The following QTMAN variants were observed in gnomAD, a reference collection of about 807,000 sequenced individuals.
QTMAN encodes the protein queuosine-tRNA mannosyltransferase.
chr2:144,105,658 G>A, the QTMAN span, among the ~76,000 whole-genome samples: 2 of 152,160 alleles, frequency 1.3e-5, no homozygotes, highest in Non-Finnish European at 1.5e-5. Context: ...AGGGAGAATG[G>A]AACCAAGTTG....
At chr2:143,982,874 A>G in the QTMAN span, among the ~76,000 whole-genome samples, 10 of 149,532 alleles carry the variant, frequency 6.7e-5, no homozygotes, top group African/African-American at 2.2e-4. Flanking sequence ...AAAAAAAAAA[A>G]GAATAGATAA....
At chr2:144,296,504 A>AAATT in the QTMAN span, among the ~76,000 whole-genome samples, 1 of 152,242 alleles carries the variant, frequency 6.6e-6, no homozygotes, top group Non-Finnish European at 1.5e-5. Flanking sequence ...TGACTGAAAA[A>AAATT]AATATTAAAG....
the QTMAN span, among the ~76,000 whole-genome samples, chr2:144,003,314 G>A: frequency 6.6e-6 from 1 of 151,452 alleles, no homozygotes; most frequent in African/African-American, 2.4e-5. Flanking sequence ...CCTTCCAGCA[G>A]TGTGTCTTTT....
chr2:144,266,674 G>C, the QTMAN span, among the ~76,000 whole-genome samples: 6 of 152,266 alleles, frequency 3.9e-5, no homozygotes, highest in African/African-American at 1.4e-4. Context: ...TTTGGGCACA[G>C]GTATAATCTT....
the QTMAN span, among the ~76,000 whole-genome samples, chr2:144,157,452 C>A: frequency 6.6e-6 from 1 of 151,990 alleles, no homozygotes; most frequent in African/African-American, 2.4e-5. Flanking sequence ...GCTGTCCCTT[C>A]TTCCTTTTTC....
At chr2:144,237,882 G>A in the QTMAN span, among the ~76,000 whole-genome samples, 6 of 152,304 alleles carry the variant, frequency 3.9e-5, no homozygotes, top group Non-Finnish European at 7.4e-5. Flanking sequence ...CAGCTGCCAC[G>A]TTGTGAGGAC....
the QTMAN span, among the ~76,000 whole-genome samples, chr2:144,133,076 C>A: frequency 8.9e-6 from 1 of 112,240 alleles, no homozygotes; most frequent in African/African-American, 3.4e-5. Flanking sequence ...TACTGATTTA[C>A]ATCTTTTAAT....
the QTMAN span, among the ~76,000 whole-genome samples, chr2:144,090,301 G>C: frequency 2.6e-5 from 4 of 151,880 alleles, no homozygotes; most frequent in African/African-American, 7.3e-5. Flanking sequence ...TCTAAAATCA[G>C]GAAAAGGCAA....
chr2:144,238,902 T>A, the QTMAN span, among the ~76,000 whole-genome samples: 92 of 152,124 alleles, frequency 6.0e-4, no homozygotes, highest in East Asian at 0.018. Context: ...TACTAGACTG[T>A]GGCATTGGCA....
At chr2:144,157,120 G>A in the QTMAN span, among the ~76,000 whole-genome samples, 9 of 152,102 alleles carry the variant, frequency 5.9e-5, no homozygotes, top group Non-Finnish European at 1.0e-4. Context: ...ATGGGGGAAA[G>A]TTTACTCACC....
the QTMAN span, among the ~76,000 whole-genome samples, chr2:144,133,281 A>G: frequency 1.3e-4 from 9 of 71,148 alleles, no homozygotes; most frequent in Admixed American, 4.9e-4. Context: ...ATATTTATAT[A>G]TACATATATA....
At chr2:144,044,130 A>G in the QTMAN span, among the ~76,000 whole-genome samples, 4 of 152,186 alleles carry the variant, frequency 2.6e-5, no homozygotes, top group Admixed American at 2.0e-4. Context: ...AACATATTCT[A>G]AAGTTGAAAA....
the QTMAN span, chr2:143,945,862 G>T: frequency 6.6e-6 from 1 of 152,286 alleles, no homozygotes; most frequent in Non-Finnish European, 1.5e-5. Flanking sequence ...GAAAATCTTG[G>T]AAATGTCATA....
the QTMAN span, among the ~76,000 whole-genome samples, chr2:143,956,738 G>C: frequency 6.6e-6 from 1 of 151,980 alleles, no homozygotes; most frequent in Non-Finnish European, 1.5e-5. Flanking sequence ...ATGATCGACT[G>C]TTCATGTGCA....
At chr2:144,200,547 T>G in the QTMAN span, among the ~76,000 whole-genome samples, 1 of 152,206 alleles carries the variant, frequency 6.6e-6, no homozygotes, top group African/African-American at 2.4e-5. Context: ...CATAATGTTT[T>G]AAGAAAGTTA....
At chr2:144,049,839 C>T in the QTMAN span, among the ~76,000 whole-genome samples, 2 of 152,032 alleles carry the variant, frequency 1.3e-5, no homozygotes, top group Non-Finnish European at 2.9e-5. Flanking sequence ...GAGCTAAATA[C>T]TATATTAGTT....
chr2:144,208,525 G>A, the QTMAN span: 2 of 1,203,214 alleles, frequency 1.7e-6, no homozygotes, highest in African/African-American at 1.5e-5. Context: ...AATTCTCAAA[G>A]ATACTGATGG....
the QTMAN span, among the ~76,000 whole-genome samples, chr2:144,103,635 TTAAAA>T: frequency 2.0e-5 from 3 of 152,058 alleles, no homozygotes; most frequent in South Asian, 6.2e-4. Flanking sequence ...GCTACCAAAA[TTAAAA>T]TAAAATAAAA....
At chr2:144,104,083 C>G in the QTMAN span, among the ~76,000 whole-genome samples, 2 of 152,126 alleles carry the variant, frequency 1.3e-5, no homozygotes, top group African/African-American at 4.8e-5. Flanking sequence ...GAGCAAGACT[C>G]CATCTCAAAA....
Sources: allele counts gnomAD v4.1 joint callset (sites outside exome capture counted in the v4.1 genomes callset), GRCh38; gene constraint gnomAD v4.1.1; transcripts MANE v1.5; gene names NCBI Gene and HGNC (gene_info 2026-07-23, HGNC 2026-07-21).